APOLD1: variants seen among roughly 807,000 people sequenced by gnomAD.
APOLD1 encodes apolipoprotein L domain-containing protein 1.
APOLD1 carries 22 observed loss-of-function variants against 15.3 expected under a neutral mutation model. The ratio of observed to expected loss-of-function variants is 1.44; its 90% CI spans 1.03 to 2.05. APOLD1 has a LOEUF of 2.05. Ranked by LOEUF, APOLD1 falls within the 30% of genes most tolerant of loss-of-function variation. APOLD1 has a pLI of 0.00. For synonymous variants in APOLD1, 190 were observed against 167.4 expected (o/e 1.13, Z -1.04); for missense variants, 394 against 353.5 (o/e 1.11, Z -0.92).
chr12:12,743,052 A>C (rs996217355), intron 1 of APOLD1, among the ~76,000 whole-genome samples: 1 of 152,222 alleles, frequency 6.6e-6, no homozygotes, highest in African/African-American at 2.4e-5. Flanking sequence ...GCGCCCCGCC[A>C]TGGTCAAAAG....
chr12:12,752,059 T>C (rs1168824450), intron 1 of APOLD1, among the ~76,000 whole-genome samples: 2 of 152,204 alleles, frequency 1.3e-5, no homozygotes, highest in African/African-American at 4.8e-5. Flanking sequence ...AAATGGATTT[T>C]GGATTTCTGA....
chr12:12,754,449 A>AT (rs1016403858), intron 1 of APOLD1, among the ~76,000 whole-genome samples: 3 of 151,376 alleles, frequency 2.0e-5, no homozygotes, highest in Non-Finnish European at 2.9e-5. Context: ...ATCTACCTTT[A>AT]TTTTTATTTA....
chr12:12,785,027 T>A (rs181496594), upstream of APOLD1, among the ~76,000 whole-genome samples: 3 of 152,216 alleles, frequency 2.0e-5, no homozygotes, highest in African/African-American at 7.2e-5. Context: ...TTCTGATGCA[T>A]GTGACCTGGA....
At chr12:12,730,077 T>TGTGTGA (rs1300290267) in intron 1 of APOLD1, among the ~76,000 whole-genome samples, 2 of 81,552 alleles carry the variant, frequency 2.5e-5, no homozygotes, top group African/African-American at 5.9e-5. Context: ...TGTGTGTGTG[T>TGTGTGA]GAGAGAGAGA....
intron 1 of APOLD1, chr12:12,764,618 A>C (rs532194028): frequency 2.1e-5 from 9 of 425,760 alleles, no homozygotes; most frequent in South Asian, 8.2e-5. Context: ...TTCTATTTCT[A>C]CTAGGTGTGG....
intron 1 of APOLD1, among the ~76,000 whole-genome samples, chr12:12,773,632 T>G (rs759362246): frequency 1.3e-5 from 2 of 151,988 alleles, no homozygotes; most frequent in Non-Finnish European, 2.9e-5. Flanking sequence ...AAATAGGAAA[T>G]CAAAATCTGG....
chr12:12,742,901 A>G (rs1241716830), intron 1 of APOLD1, among the ~76,000 whole-genome samples: 1 of 152,244 alleles, frequency 6.6e-6, no homozygotes. Context: ...AGTAGCTGGA[A>G]CTACAGGCAT....
chr12:12,753,601 C>G (rs764194327), intron 1 of APOLD1, among the ~76,000 whole-genome samples: 1 of 151,552 alleles, frequency 6.6e-6, no homozygotes, highest in South Asian at 2.1e-4. Context: ...CCCAGGAGGT[C>G]GAGGTGGTAG....
intron 1 of APOLD1, among the ~76,000 whole-genome samples, chr12:12,750,037 C>T (rs1215918616): frequency 6.6e-6 from 1 of 152,118 alleles, no homozygotes; most frequent in African/African-American, 2.4e-5. Flanking sequence ...ACTGTACCCC[C>T]ACACTGAAAT....
chr12:12,767,286 C>T (rs1433780141), intron 1 of APOLD1, among the ~76,000 whole-genome samples: 1 of 152,068 alleles, frequency 6.6e-6, no homozygotes, highest in East Asian at 1.9e-4. Flanking sequence ...TTTGTGAGTT[C>T]TGCATTTGTG....
intron 1 of APOLD1, among the ~76,000 whole-genome samples, chr12:12,728,223 T>C (rs1189411094): frequency 2.0e-5 from 3 of 152,088 alleles, no homozygotes; most frequent in Admixed American, 2.0e-4. Flanking sequence ...CACCTTGGCC[T>C]CCCAAAGTGG....
chr12:12,753,087 T>C (rs761557671), intron 1 of APOLD1, among the ~76,000 whole-genome samples: 2 of 151,868 alleles, frequency 1.3e-5, no homozygotes, highest in Non-Finnish European at 2.9e-5. Flanking sequence ...TCCCTCACAA[T>C]AGGCTAAAAA....
chr12:12,768,999 A>G (rs1230887411), intron 1 of APOLD1, among the ~76,000 whole-genome samples: 1 of 151,998 alleles, frequency 6.6e-6, no homozygotes, highest in African/African-American at 2.4e-5. Context: ...AGGCTGAGGC[A>G]AAAGGATTAC....
chr12:12,781,921 G>A (rs983828057), upstream of APOLD1, among the ~76,000 whole-genome samples: 1 of 151,820 alleles, frequency 6.6e-6, no homozygotes, highest in Non-Finnish European at 1.5e-5. Flanking sequence ...AGTCCTTTCC[G>A]CTAGACTTAC....
At chr12:12,744,372 G>A (rs1337872048) in intron 1 of APOLD1, among the ~76,000 whole-genome samples, 1 of 151,544 alleles carries the variant, frequency 6.6e-6, no homozygotes, top group Non-Finnish European at 1.5e-5. Context: ...ACTGTGGGCG[G>A]CTGAGGTGGG....
chr12:12,773,866 T>C (rs7133313), intron 1 of APOLD1, among the ~76,000 whole-genome samples: 75,143 of 152,002 alleles, frequency 0.49, 19,370 homozygotes, highest in African/African-American at 0.65. Context: ...CAACAAATGG[T>C]GCTGGAAACC....
At chr12:12,766,233 A>G (rs1946941868) in intron 1 of APOLD1, among the ~76,000 whole-genome samples, 1 of 152,224 alleles carries the variant, frequency 6.6e-6, no homozygotes, top group African/African-American at 2.4e-5. Flanking sequence ...CTTTAGGTCC[A>G]TATTCCAAAA....
chr12:12,773,950 G>A (rs573835175), intron 1 of APOLD1, among the ~76,000 whole-genome samples: 20 of 152,206 alleles, frequency 1.3e-4, no homozygotes, highest in Admixed American at 3.3e-4. Context: ...CCTAAAATGG[G>A]TCACAGACCT....
intron 1 of APOLD1, among the ~76,000 whole-genome samples, chr12:12,731,755 G>A (rs753306958): frequency 9.2e-5 from 14 of 152,044 alleles, no homozygotes; most frequent in Non-Finnish European, 1.8e-4. Flanking sequence ...ATACAAAGAC[G>A]GCCATTATTC....
Sources: allele counts gnomAD v4.1 joint callset (sites outside exome capture counted in the v4.1 genomes callset), GRCh38; gene constraint gnomAD v4.1.1; transcripts MANE v1.5; gene names NCBI Gene and HGNC (gene_info 2026-07-23, HGNC 2026-07-21).